Variants in RIMS2 observed in about 807,000 individuals in gnomAD.
The protein encoded by RIMS2 is regulating synaptic membrane exocytosis protein 2.
A neutral mutation model predicts 174.4 loss-of-function variants in RIMS2; 59 were observed. The ratio of observed to expected loss-of-function variants is 0.34; its 90% CI spans 0.27 to 0.42. The LOEUF is 0.42. RIMS2 is among the 10% of genes least tolerant of loss of function. The probability of loss-of-function intolerance (pLI) is 1.00; values close to 1 mark genes in which losing one functional copy is unlikely to be tolerated. For synonymous variants in RIMS2, 606 were observed against 572.5 expected (o/e 1.06, Z -0.84); for missense variants, 1,620 against 1,666.3 (o/e 0.97, Z 0.48).
intron 19 of RIMS2, among the ~76,000 whole-genome samples, chr8:104,033,036 T>C (rs1334377158): frequency 6.6e-6 from 1 of 151,972 alleles, no homozygotes; most frequent in East Asian, 1.9e-4. Context: ...AAATGTATCA[T>C]GTAACATAAG....
chr8:104,142,442 T>G (rs2133646997), intron 19 of RIMS2, among the ~76,000 whole-genome samples: 1 of 152,272 alleles, frequency 6.6e-6, no homozygotes, highest in East Asian at 1.9e-4. Context: ...AGTAAATATC[T>G]TTTAAATAAG....
intron 1 of RIMS2, among the ~76,000 whole-genome samples, chr8:103,579,135 G>A (rs1056466911): frequency 1.3e-5 from 2 of 152,000 alleles, no homozygotes; most frequent in African/African-American, 4.8e-5. Flanking sequence ...AGGCACAATG[G>A]TATGTGCCTG....
At chr8:103,620,057 C>A (rs1339446928) in intron 1 of RIMS2, among the ~76,000 whole-genome samples, 1 of 152,132 alleles carries the variant, frequency 6.6e-6, no homozygotes, top group Non-Finnish European at 1.5e-5. Context: ...GCTGTCACCA[C>A]CCTTGCCTAT....
rs1375598259 is a variant in RIMS2 at position 103,876,317 on chromosome 8, A to G, written c.699-8981A>G. ...TAGGGATCCAGTTTCATTATTCTGA[A>G]TGTGGCTATCTAATTTTCGAAGCAC... is the stretch of plus-strand genomic sequence containing the variant. On this transcript the variant is annotated intron_variant, in intron 3 of 23. Coordinates refer to ENST00000504942, the Ensembl canonical transcript of RIMS2. Among the ~76,000 whole-genome samples the G allele has an allele frequency of 2.6e-5, 4 of 151,916 alleles. No individual in the cohort carries two copies. The East Asian group carries it at 7.7e-4, about 29-fold the overall frequency.
At position 103,652,283 on chromosome 8, in the gene RIMS2, T is replaced by C. The variant is rs752806268; in HGVS notation, c.177-44803T>C. 1.1e-5 allele frequency: 13 copies of C among 1,160,712 alleles called. No individual in the cohort carries two copies. In the Admixed American group the frequency reaches 2.5e-4, roughly 23 times the overall value. 71.9% of individuals were successfully genotyped at this position (1,160,712 alleles called of 1,614,324 possible). On this transcript the variant is annotated intron_variant, in intron 1 of 23. Transcript: ENST00000504942. Reference sequence around the variant, plus strand: ...TGTAGTAGGCTTGACTTCTGTACTTTTGCCACATACTGCTTTCTGGTATTA... The same window carrying C: ...TGTAGTAGGCTTGACTTCTGTACTTCTGCCACATACTGCTTTCTGGTATTA...
chr8:103,943,773 G>C (rs1245358289), intron 14 of RIMS2, among the ~76,000 whole-genome samples: 4 of 152,066 alleles, frequency 2.6e-5, no homozygotes, highest in African/African-American at 9.7e-5. Flanking sequence ...GTATTCATGG[G>C]GTAGTTATAT....
chr8:103,550,894 A>G (rs1187427247), intron 1 of RIMS2, among the ~76,000 whole-genome samples: 2 of 152,164 alleles, frequency 1.3e-5, no homozygotes, highest in Non-Finnish European at 2.9e-5. Context: ...ACAAGACTAA[A>G]CCAGGAAGAA....
At chr8:103,652,556 T>C in intron 1 of RIMS2, 68 bp from the exon 3 acceptor site, 1 of 810,576 alleles carries the variant, frequency 1.2e-6, no homozygotes, top group Non-Finnish European at 1.8e-6. Flanking sequence ...TTATTATGGA[T>C]AAGAAAACGT....
At chr8:103,603,010 ATTATAC>A (rs2094836365) in intron 1 of RIMS2, among the ~76,000 whole-genome samples, 1 of 151,176 alleles carries the variant, frequency 6.6e-6, no homozygotes, top group Non-Finnish European at 1.5e-5. Context: ...TTATTTTTTT[ATTATAC>A]TTTAAGTTTT....
intron 19 of RIMS2, among the ~76,000 whole-genome samples, chr8:104,090,110 T>C (rs2097617109): frequency 6.6e-6 from 1 of 151,208 alleles, no homozygotes; most frequent in Admixed American, 6.6e-5. Flanking sequence ...TGACAAGAGG[T>C]CATGTGTGAT....
chr8:103,611,748 C>G (rs1249347030), intron 1 of RIMS2, among the ~76,000 whole-genome samples: 1 of 151,994 alleles, frequency 6.6e-6, no homozygotes, highest in East Asian at 1.9e-4. Context: ...AATGCCTTGA[C>G]ATCGTCTTCT....
intron 19 of RIMS2, among the ~76,000 whole-genome samples, chr8:104,232,192 AGTACCTG>A (rs1463237735): frequency 6.6e-6 from 1 of 152,240 alleles, no homozygotes; most frequent in Non-Finnish European, 1.5e-5. Context: ...TAAATGAACA[AGTACCTG>A]GTCGGTTTCT....
At chr8:103,593,350 G>A (rs939638208) in intron 1 of RIMS2, among the ~76,000 whole-genome samples, 1 of 151,394 alleles carries the variant, frequency 6.6e-6, no homozygotes, top group Non-Finnish European at 1.5e-5. Context: ...AATTGCACAT[G>A]GGTAAAAGAC....
intron 19 of RIMS2, among the ~76,000 whole-genome samples, chr8:104,169,960 A>G (rs918133830): frequency 6.6e-6 from 1 of 151,992 alleles, no homozygotes; most frequent in Admixed American, 6.5e-5. Flanking sequence ...ATTTCCATGT[A>G]TTTGTATAGT....
At chr8:104,003,638 T>A (rs2095471176) in intron 17 of RIMS2, among the ~76,000 whole-genome samples, 1 of 152,134 alleles carries the variant, frequency 6.6e-6, no homozygotes, top group African/African-American at 2.4e-5. Flanking sequence ...AGTCTCGAAC[T>A]CCTGACCTCA....
chr8:103,646,356 A>G (rs1239161641), intron 1 of RIMS2, among the ~76,000 whole-genome samples: 1 of 152,114 alleles, frequency 6.6e-6, no homozygotes, highest in Non-Finnish European at 1.5e-5. Flanking sequence ...TATCATATGC[A>G]TCATGAATTA....
intron 4 of RIMS2, among the ~76,000 whole-genome samples, chr8:103,898,744 T>G (rs2154523522): frequency 6.6e-6 from 1 of 151,636 alleles, no homozygotes; most frequent in South Asian, 2.1e-4. Context: ...ATTATTATAC[T>G]TTAAGTTCTA....
At chr8:104,047,280 C>T (rs1216534715) in intron 19 of RIMS2, among the ~76,000 whole-genome samples, 2 of 152,056 alleles carry the variant, frequency 1.3e-5, no homozygotes, top group Non-Finnish European at 2.9e-5. Context: ...TAATATATTA[C>T]TCATACATTC....
chr8:103,869,123 A>C (rs2099097685), intron 3 of RIMS2, among the ~76,000 whole-genome samples: 1 of 152,068 alleles, frequency 6.6e-6, no homozygotes, highest in African/African-American at 2.4e-5. Flanking sequence ...TAAGAACATA[A>C]GAACATAAGC....
Sources: allele counts gnomAD v4.1 joint callset (sites outside exome capture counted in the v4.1 genomes callset), GRCh38; gene constraint gnomAD v4.1.1; transcripts MANE v1.5; gene names NCBI Gene and HGNC (gene_info 2026-07-23, HGNC 2026-07-21).